CTNND2: variants seen among roughly 807,000 people sequenced by gnomAD.
CTNND2 encodes catenin delta 2, also known as catenin delta-2.
A neutral mutation model predicts 144.4 loss-of-function variants in CTNND2; 22 were observed. That is an observed-to-expected ratio of 0.15 (90% CI 0.11 to 0.22). The LOEUF is 0.22. CTNND2 is among the 10% of genes least tolerant of loss of function. CTNND2 has a pLI of 1.00. For synonymous variants in CTNND2, 751 were observed against 695.6 expected (o/e 1.08, Z -1.25); for missense variants, 1,353 against 1,618.8 (o/e 0.84, Z 2.82).
At chr5:11,166,546 CA>C (rs1242896433) in intron 11 of CTNND2, among the ~76,000 whole-genome samples, 5 of 151,094 alleles carry the variant, frequency 3.3e-5, no homozygotes, top group Non-Finnish European at 7.4e-5. Flanking sequence ...CACGCCCGGC[CA>C]AAAAAAGTTC....
chr5:11,279,770 G>A (rs891716737), intron 9 of CTNND2, among the ~76,000 whole-genome samples: 18 of 152,282 alleles, frequency 1.2e-4, no homozygotes, highest in East Asian at 1.9e-4. Flanking sequence ...CATGGTGGAA[G>A]GTGAAGTGGG....
intron 2 of CTNND2, among the ~76,000 whole-genome samples, chr5:11,728,313 A>T (rs1787134923): frequency 6.6e-6 from 1 of 151,878 alleles, no homozygotes; most frequent in South Asian, 2.1e-4. Flanking sequence ...CTACTGAAAA[A>T]AAAAAAATAG....
intron 9 of CTNND2, among the ~76,000 whole-genome samples, chr5:11,265,818 A>C (rs1187679205): frequency 1.4e-5 from 2 of 147,244 alleles, no homozygotes; most frequent in African/African-American, 2.5e-5. Context: ...TTCAAGCAAT[A>C]CTCCTGCCTC....
chr5:11,760,818 A>AT (rs1258847492), intron 1 of CTNND2, among the ~76,000 whole-genome samples: 5 of 151,988 alleles, frequency 3.3e-5, no homozygotes, highest in African/African-American at 9.7e-5. Context: ...ATGATTCTCT[A>AT]TTTTAAATGA....
intron 14 of CTNND2, among the ~76,000 whole-genome samples, chr5:11,109,997 C>A (rs1264819780): frequency 6.6e-6 from 1 of 152,172 alleles, no homozygotes; most frequent in Non-Finnish European, 1.5e-5. Flanking sequence ...ACTTGTGAAA[C>A]TCTCTGTAAG....
At chr5:11,124,582 A>G (rs1481631030) in intron 12 of CTNND2, among the ~76,000 whole-genome samples, 1 of 152,196 alleles carries the variant, frequency 6.6e-6, no homozygotes, top group Non-Finnish European at 1.5e-5. Context: ...TGCGGGCCAC[A>G]CAGGGTTTCT....
At chr5:11,321,794 C>A (rs1453324364) in intron 9 of CTNND2, among the ~76,000 whole-genome samples, 1 of 152,058 alleles carries the variant, frequency 6.6e-6, no homozygotes, top group African/African-American at 2.4e-5. Context: ...CTTGGTGATT[C>A]TTTCCTAGAG....
intron 12 of CTNND2, among the ~76,000 whole-genome samples, chr5:11,143,920 G>C (rs1756986203): frequency 6.6e-6 from 1 of 152,034 alleles, no homozygotes; most frequent in Admixed American, 6.5e-5. Flanking sequence ...CACCAGCTAG[G>C]GGTTTCTACC....
At chr5:11,023,645 G>A (rs1387035850) in intron 16 of CTNND2, among the ~76,000 whole-genome samples, 5 of 152,078 alleles carry the variant, frequency 3.3e-5, no homozygotes, top group African/African-American at 9.7e-5. Flanking sequence ...TCTCTCTGAT[G>A]GGATTTTATT....
At chr5:11,012,105 G>A (rs995670360) in intron 18 of CTNND2, among the ~76,000 whole-genome samples, 2 of 152,168 alleles carry the variant, frequency 1.3e-5, no homozygotes, top group Non-Finnish European at 2.9e-5. Context: ...TTGAATTAAT[G>A]GCAGCAACTC....
At chr5:11,544,624 A>G (rs1458917427) in intron 3 of CTNND2, among the ~76,000 whole-genome samples, 2 of 152,268 alleles carry the variant, frequency 1.3e-5, no homozygotes, top group Non-Finnish European at 2.9e-5. Context: ...AACTATTGAT[A>G]TGTGCAATTA....
chr5:11,209,155 A>C (rs1738358653), intron 10 of CTNND2, among the ~76,000 whole-genome samples: 1 of 152,226 alleles, frequency 6.6e-6, no homozygotes, highest in African/African-American at 2.4e-5. Flanking sequence ...CTTTTAACAC[A>C]ATTTCAATCA....
rs1054035253 is a variant in CTNND2 at position 11,163,568 on chromosome 5, T to A, written c.1976-3809A>T. On this transcript the variant is annotated intron_variant, in intron 11 of 21. Transcript: ENST00000304623. The stretch of plus-strand genomic sequence containing the variant: ...TTCCTTTCCTATGAAGCTCCCACTC[T>A]CTCTGTTGCTTTCTTCTCTCTGCTT... Among the ~76,000 whole-genome samples, 11 of 152,188 alleles carry A rather than the reference T, an allele frequency of 7.2e-5. No individual in the cohort carries two copies. In the South Asian group the frequency reaches 8.3e-4, roughly 11 times the overall value.
chr5:11,599,366 A>G (rs554220019), intron 2 of CTNND2, among the ~76,000 whole-genome samples: 1 of 152,320 alleles, frequency 6.6e-6, no homozygotes, highest in African/African-American at 2.4e-5. Flanking sequence ...TTCATCTTGA[A>G]CAGGTATTTC....
rs756766508 is a variant in CTNND2 at position 11,636,037 on chromosome 5, C to A, written c.175-70981G>T. Among the ~76,000 whole-genome samples the A allele has an allele frequency of 3.3e-5, 5 of 150,536 alleles. No individual in the cohort carries two copies. In the East Asian group the frequency reaches 9.8e-4, roughly 29 times the overall value. On this transcript the variant is annotated intron_variant, in intron 2 of 21. Transcript: ENST00000304623. The stretch of plus-strand genomic sequence containing the variant: ...ATCAATGGTTTAATCCCCCCCCACC[C>A]CCGCCACACACACATTCATGATTCT...
chr5:11,898,194 A>T (rs1737554897), intron 1 of CTNND2, among the ~76,000 whole-genome samples: 1 of 152,156 alleles, frequency 6.6e-6, no homozygotes, highest in Non-Finnish European at 1.5e-5. Flanking sequence ...CCCTTCCAAT[A>T]TCCCAACATG....
At chr5:11,383,771 A>G (rs1398294808) in intron 7 of CTNND2, among the ~76,000 whole-genome samples, 2 of 152,208 alleles carry the variant, frequency 1.3e-5, no homozygotes, top group Admixed American at 6.5e-5. Flanking sequence ...TCTGTAAGGG[A>G]AAAAAAATTC....
At chr5:11,836,635 T>C (rs1794196515) in intron 1 of CTNND2, among the ~76,000 whole-genome samples, 1 of 150,768 alleles carries the variant, frequency 6.6e-6, no homozygotes, top group African/African-American at 2.4e-5. Context: ...AAAAAGGAAA[T>C]ACATCATCTC....
chr5:11,411,675 G>C (rs1270176139), intron 4 of CTNND2, 23 bp from the exon 5 acceptor site: 1 of 1,372,500 alleles, frequency 7.3e-7, no homozygotes, highest in Non-Finnish European at 1.0e-6. Flanking sequence ...ATTTTAAAGT[G>C]ATGAACAAAC....
Sources: gnomAD v4.1 joint callset for allele counts (sites outside exome capture counted in the v4.1 genomes callset) on GRCh38, gnomAD v4.1.1 for gene constraint, MANE v1.5 for transcripts, NCBI Gene and HGNC (gene_info 2026-07-23, HGNC 2026-07-21) for gene names.